The following GALNT17 variants were observed in gnomAD, a reference collection of about 807,000 sequenced individuals.
The protein encoded by GALNT17 is polypeptide N-acetylgalactosaminyltransferase 17.
GALNT17 carries 29 observed loss-of-function variants against 63.7 expected under a neutral mutation model. The observed-to-expected ratio is 0.46, with a 90% CI of 0.34 to 0.62. The LOEUF is 0.62. GALNT17 is among the 20% of genes least tolerant of loss of function. The pLI is 0.01. For synonymous variants in GALNT17, 305 were observed against 318.3 expected (o/e 0.96, Z 0.45); for missense variants, 603 against 799.6 (o/e 0.75, Z 2.97).
chr7:71,272,872 A>C (rs62457833), intron 1 of GALNT17, among the ~76,000 whole-genome samples: 67,853 of 151,972 alleles, frequency 0.45, 17,043 homozygotes, highest in Non-Finnish European at 0.54. Flanking sequence ...CTCTCCTGTT[A>C]TGTAGAAGAT....
chr7:71,377,115 ATAT>A (rs1324456138), intron 2 of GALNT17, among the ~76,000 whole-genome samples: 1,212 of 38,344 alleles, frequency 0.032, 115 homozygotes, highest in African/African-American at 0.08. Flanking sequence ...AATAAAAAAA[ATAT>A]ATATATATAT....
At chr7:71,461,934 TG>T in intron 5 of GALNT17, among the ~76,000 whole-genome samples, 1 of 152,238 alleles carries the variant, frequency 6.6e-6, no homozygotes, top group Non-Finnish European at 1.5e-5. Context: ...CTTTAACCTC[TG>T]GATCAATTGA....
intron 6 of GALNT17, among the ~76,000 whole-genome samples, chr7:71,660,934 A>T (rs1790898832): frequency 6.6e-6 from 1 of 152,182 alleles, no homozygotes. Context: ...CTTGTCTCCC[A>T]GGCATCTTCC....
intron 3 of GALNT17, among the ~76,000 whole-genome samples, chr7:71,412,784 T>A (rs1324716380): frequency 6.6e-6 from 1 of 152,178 alleles, no homozygotes; most frequent in African/African-American, 2.4e-5. Context: ...GGCTCACGCC[T>A]GTAATCCTAG....
intron 1 of GALNT17, among the ~76,000 whole-genome samples, chr7:71,195,837 G>C (rs1385649671): frequency 1.3e-5 from 2 of 151,532 alleles, no homozygotes; most frequent in Non-Finnish European, 2.9e-5. Context: ...GCACCCAGCC[G>C]AGCCTATCAT....
At chr7:71,181,004 C>T (rs952970765) in intron 1 of GALNT17, among the ~76,000 whole-genome samples, 20 of 152,120 alleles carry the variant, frequency 1.3e-4, no homozygotes, top group Admixed American at 5.9e-4. Flanking sequence ...CCTGTAATCC[C>T]GGCACTTTGG....
chr7:71,169,282 C>T (rs1309142583), intron 1 of GALNT17, among the ~76,000 whole-genome samples: 5 of 152,138 alleles, frequency 3.3e-5, no homozygotes, highest in Non-Finnish European at 7.4e-5. Flanking sequence ...TCAGGGAGTC[C>T]GCCAGCATCC....
At chr7:71,579,284 C>T (rs1789588756) in intron 6 of GALNT17, among the ~76,000 whole-genome samples, 2 of 152,156 alleles carry the variant, frequency 1.3e-5, no homozygotes, top group South Asian at 4.1e-4. Flanking sequence ...TGACTGGTGG[C>T]CAACAGTTCA....
chr7:71,237,622 C>T (rs1221951655), intron 1 of GALNT17, among the ~76,000 whole-genome samples: 1 of 151,848 alleles, frequency 6.6e-6, no homozygotes, highest in African/African-American at 2.4e-5. Context: ...GAGCTTGAGG[C>T]TACTGCGAGT....
At chr7:71,287,483 G>A (rs1035077475) in intron 1 of GALNT17, among the ~76,000 whole-genome samples, 31 of 152,042 alleles carry the variant, frequency 2.0e-4, no homozygotes, top group African/African-American at 6.0e-4. Context: ...CCAAATAGGA[G>A]TAAGAGGTGC....
At chr7:71,699,660 A>G (rs1049707321) in intron 9 of GALNT17, among the ~76,000 whole-genome samples, 1 of 152,126 alleles carries the variant, frequency 6.6e-6, no homozygotes, top group African/African-American at 2.4e-5. Context: ...CGGCCTGGAC[A>G]CAGTGGCTCA....
intron 5 of GALNT17, among the ~76,000 whole-genome samples, chr7:71,425,978 G>A (rs1376153226): frequency 6.6e-6 from 1 of 152,144 alleles, no homozygotes; most frequent in African/African-American, 2.4e-5. Context: ...AGAGTAGGAG[G>A]AAGAAGAGAG....
chr7:71,445,489 G>A (rs996488487), intron 5 of GALNT17, among the ~76,000 whole-genome samples: 6 of 146,604 alleles, frequency 4.1e-5, no homozygotes, highest in South Asian at 2.2e-4. Flanking sequence ...GAGCCACTGC[G>A]CCCGGCCAGG....
chr7:71,710,394 C>G (rs914873898), intron 9 of GALNT17, among the ~76,000 whole-genome samples: 6 of 152,044 alleles, frequency 3.9e-5, no homozygotes, highest in African/African-American at 1.4e-4. Flanking sequence ...TGTAATCCCA[C>G]GTACTCAGGA....
At chr7:71,669,850 C>T (rs1236860388) in intron 7 of GALNT17, 122 bp from the exon 8 acceptor site, 20 of 1,286,036 alleles carry the variant, frequency 1.6e-5, no homozygotes, top group South Asian at 3.0e-5. Context: ...CATGAGCCAC[C>T]GTGCCCAGCC....
intron 5 of GALNT17, among the ~76,000 whole-genome samples, chr7:71,549,458 C>T (rs754888919): frequency 6.6e-6 from 1 of 152,066 alleles, no homozygotes; most frequent in Non-Finnish European, 1.5e-5. Flanking sequence ...GTCCCAGCTA[C>T]TTAGGAGGCT....
At chr7:71,568,337 A>G (rs906960387) in intron 5 of GALNT17, among the ~76,000 whole-genome samples, 6 of 152,200 alleles carry the variant, frequency 3.9e-5, no homozygotes, top group African/African-American at 1.4e-4. Context: ...GTGGCAGTGC[A>G]TACACGAGAT....
At chr7:71,161,196 A>G (rs1425899159) in intron 1 of GALNT17, among the ~76,000 whole-genome samples, 3 of 152,206 alleles carry the variant, frequency 2.0e-5, no homozygotes, top group Non-Finnish European at 4.4e-5. Flanking sequence ...AATGTATAAA[A>G]TCTTTGTGTC....
At chr7:71,391,788 T>C (rs1793056639) in intron 3 of GALNT17, among the ~76,000 whole-genome samples, 1 of 152,242 alleles carries the variant, frequency 6.6e-6, no homozygotes, top group African/African-American at 2.4e-5. Context: ...TGCCTGGCCT[T>C]GGGTGATTTA....
Sources: gnomAD v4.1 joint callset for allele counts (sites outside exome capture counted in the v4.1 genomes callset) on GRCh38, gnomAD v4.1.1 for gene constraint, MANE v1.5 for transcripts, NCBI Gene and HGNC (gene_info 2026-07-23, HGNC 2026-07-21) for gene names.